The following FAM83B variants were observed in gnomAD, a reference collection of about 807,000 sequenced individuals.
The protein encoded by FAM83B is protein FAM83B.
A neutral mutation model predicts 38.8 loss-of-function variants in FAM83B; 26 were observed. The ratio of observed to expected loss-of-function variants is 0.67; its 90% CI spans 0.49 to 0.93. FAM83B has a LOEUF of 0.93. Among genes scored for constraint, FAM83B ranks in the 40% least tolerant of loss-of-function variants. The probability of loss-of-function intolerance (pLI) is 0.00; values close to 1 mark genes in which losing one functional copy is unlikely to be tolerated. For synonymous variants in FAM83B, 419 were observed against 423.1 expected, an observed-to-expected ratio of 0.99 and a Z score of 0.12; for missense variants, 1,237 against 1,197.3, an observed-to-expected ratio of 1.03 and a Z score of -0.49.
Position 54,924,955 on chromosome 6 carries a change from A to C in FAM83B, c.445-1416A>C, listed in dbSNP as rs148907486. ...ATAACCAGATCATTTCATTACTTCA[A>C]CTCAAAGCCCTTTAATAGCTTACAG... On this transcript the variant is annotated intron_variant, in intron 2 of 4. Coordinates refer to ENST00000306858, the MANE Select transcript of FAM83B (RefSeq NM_001010872.3). Among the ~76,000 whole-genome samples, 142 of 152,158 alleles carry C rather than the reference A, an allele frequency of 9.3e-4. 1 individual carries two copies. The highest frequency in any genetic ancestry group is 3.1e-3 in the African/African-American group (130 of 41,506).
chr6:54,848,040 G>A (rs552139457), intron 1 of FAM83B, among the ~76,000 whole-genome samples: 1 of 151,370 alleles, frequency 6.6e-6, no homozygotes, highest in African/African-American at 2.4e-5. Flanking sequence ...ACAAGCAACA[G>A]GAAGGGAGAG....
intron 4 of FAM83B, among the ~76,000 whole-genome samples, chr6:54,930,821 A>T (rs1253879665): frequency 6.6e-6 from 1 of 152,044 alleles, no homozygotes; most frequent in Admixed American, 6.6e-5. Context: ...TGTTTTATTG[A>T]TAAAAATACA....
chr6:54,870,253 A>C lies in FAM83B; in HGVS notation c.7A>C (p.Thr3Pro), dbSNP rs139758773. 6.2e-7 allele frequency: 1 copy of C among 1,610,924 alleles called. No homozygotes were observed. Among genetic ancestry groups the C allele is most frequent in the South Asian group, 1.1e-5 (1 of 91,008 alleles). Residue 3 changes from threonine (T) to proline (P), a missense_variant, in exon 2 of 5, where the codon ACC becomes CCC. Physicochemically the swap from Thr to Pro is conservative, Grantham distance 38. Transcript: ENST00000306858. ...TAGCCAAACACTTGCAAGCATGGAG[A>C]CCTCATCAATGCTTTCCTCATTGAA... Reference protein sequence around the residue: METSSMLSSLNDE... With the variant: MEPSSMLSSLNDE...
chr6:54,866,743 G>A (rs1296375083), intron 1 of FAM83B, among the ~76,000 whole-genome samples: 1 of 152,016 alleles, frequency 6.6e-6, no homozygotes, highest in Non-Finnish European at 1.5e-5. Context: ...AAATATTTGT[G>A]TACAGGATAA....
At chr6:54,886,306 T>G (rs1032039590) in intron 2 of FAM83B, among the ~76,000 whole-genome samples, 9 of 152,042 alleles carry the variant, frequency 5.9e-5, no homozygotes, top group Non-Finnish European at 5.9e-5. Context: ...CATAATGATT[T>G]TTTTTTGTTT....
intron 2 of FAM83B, among the ~76,000 whole-genome samples, chr6:54,878,149 C>A (rs748411741): frequency 1.3e-5 from 2 of 152,152 alleles, no homozygotes; most frequent in East Asian, 3.9e-4. Context: ...GTCCTTTGGC[C>A]TCTGCTGGGT....
chr6:54,927,364 A>T, intron 3 of FAM83B, 144 bp from the exon 4 acceptor site: 1 of 544,422 alleles, frequency 1.8e-6, no homozygotes, highest in Non-Finnish European at 3.0e-6. Flanking sequence ...TATTTTCATT[A>T]AGGATTTAAT....
At chr6:54,927,728 T>TAAAAAAAAAA (rs1049777485) in intron 4 of FAM83B, 96 bp downstream of exon 4, 9 of 98,936 alleles carry the variant, frequency 9.1e-5, no homozygotes, top group Middle Eastern at 6.8e-3. Context: ...TTCTTAAAAG[T>TAAAAAAAAAA]AAAAAAAAAA....
At chr6:54,895,627 T>C (rs992771134) in intron 2 of FAM83B, among the ~76,000 whole-genome samples, 2 of 152,202 alleles carry the variant, frequency 1.3e-5, no homozygotes, top group Non-Finnish European at 2.9e-5. Context: ...TTCATAGTTT[T>C]TATATTTTAT....
At chr6:54,928,547 T>C (rs571050803) in intron 4 of FAM83B, among the ~76,000 whole-genome samples, 1 of 152,282 alleles carries the variant, frequency 6.6e-6, no homozygotes, top group South Asian at 2.1e-4. Context: ...GCTAACTCTC[T>C]CTTTAAGCTC....
intron 2 of FAM83B, among the ~76,000 whole-genome samples, chr6:54,885,372 T>G (rs891977808): frequency 2.6e-5 from 4 of 152,180 alleles, no homozygotes; most frequent in African/African-American, 4.8e-5. Flanking sequence ...TAATTATTTG[T>G]TATTTTTGAT....
intron 1 of FAM83B, among the ~76,000 whole-genome samples, chr6:54,866,136 G>A (rs1234836776): frequency 6.6e-6 from 1 of 151,322 alleles, no homozygotes; most frequent in African/African-American, 2.4e-5. Flanking sequence ...CATAGTAATT[G>A]ATGAAGCAGA....
intron 2 of FAM83B, among the ~76,000 whole-genome samples, chr6:54,912,002 T>G (rs1430216628): frequency 6.6e-6 from 1 of 152,064 alleles, no homozygotes; most frequent in Non-Finnish European, 1.5e-5. Flanking sequence ...AGATAATTTT[T>G]ATACCTTTTT....
intron 2 of FAM83B, among the ~76,000 whole-genome samples, chr6:54,924,378 T>C (rs969706220): frequency 1.3e-5 from 2 of 151,590 alleles, no homozygotes; most frequent in South Asian, 4.2e-4. Flanking sequence ...TACTGTTCAA[T>C]TTCTCTGCTT....
chr6:54,859,153 C>T (rs953782613), intron 1 of FAM83B, among the ~76,000 whole-genome samples: 13 of 151,940 alleles, frequency 8.6e-5, no homozygotes, highest in African/African-American at 1.2e-4. Flanking sequence ...CTCCGCCTCC[C>T]GGGTTCAAGC....
At chr6:54,900,209 A>G in intron 2 of FAM83B, among the ~76,000 whole-genome samples, 1 of 152,212 alleles carries the variant, frequency 6.6e-6, no homozygotes, top group Non-Finnish European at 1.5e-5. Context: ...AAGGCACAAC[A>G]TGAAAGCAAG....
chr6:54,913,632 G>A (rs892961146), intron 2 of FAM83B, among the ~76,000 whole-genome samples: 23 of 151,658 alleles, frequency 1.5e-4, no homozygotes, highest in African/African-American at 5.6e-4. Context: ...TGTTATATAC[G>A]AGTTAAAGAG....
chr6:54,851,159 G>C lies in FAM83B; in HGVS notation c.-61+4333G>C, dbSNP rs1771269751. On this transcript the variant is annotated intron_variant, in intron 1 of 4. Transcript: ENST00000306858. Reference sequence around the variant, plus strand: ...TGTTCCCCTGTGATTCTTTTTTTTAGTTTCAACCCTTCCTTTCCATTTTCA... The same window carrying C: ...TGTTCCCCTGTGATTCTTTTTTTTACTTTCAACCCTTCCTTTCCATTTTCA... 4.7e-5 allele frequency among the ~76,000 whole-genome samples: 7 copies of C among 149,794 alleles called. No individual in the cohort carries two copies. The South Asian group carries it at 1.5e-3, about 31-fold the overall frequency.
chr6:54,871,404 A>G (rs929530144), intron 2 of FAM83B, among the ~76,000 whole-genome samples: 2 of 151,756 alleles, frequency 1.3e-5, no homozygotes, highest in Non-Finnish European at 2.9e-5. Context: ...AAATTTGCCA[A>G]GCTCAATCTA....
Sources: gnomAD v4.1 joint callset for allele counts (sites outside exome capture counted in the v4.1 genomes callset) on GRCh38, gnomAD v4.1.1 for gene constraint, MANE v1.5 for transcripts, NCBI Gene and HGNC (gene_info 2026-07-23, HGNC 2026-07-21) for gene names.